AIG1: variants seen among roughly 807,000 people sequenced by gnomAD.
The protein encoded by AIG1 is androgen induced 1.
A neutral mutation model predicts 31.4 loss-of-function variants in AIG1; 23 were observed. That is an observed-to-expected ratio of 0.73 (90% CI 0.53 to 1.04). The LOEUF (loss-of-function observed/expected upper bound fraction) is 1.04, where lower values mean the gene tolerates loss of function less well. AIG1 is among the 50% of genes least tolerant of loss of function. The pLI, the probability that AIG1 is intolerant of heterozygous loss-of-function variation, is 0.00. For synonymous variants in AIG1, 100 were observed against 110.5 expected (o/e 0.90, Z 0.60); for missense variants, 274 against 295.0 (o/e 0.93, Z 0.52).
At chr6:143,260,910 C>G (rs1276161337) in intron 3 of AIG1, among the ~76,000 whole-genome samples, 1 of 152,132 alleles carries the variant, frequency 6.6e-6, no homozygotes, top group East Asian at 1.9e-4. Flanking sequence ...CCCCTTCACC[C>G]CCCCGCCATC....
At chr6:143,141,466 C>G (rs1784240472) in intron 2 of AIG1, among the ~76,000 whole-genome samples, 1 of 152,312 alleles carries the variant, frequency 6.6e-6, no homozygotes, top group South Asian at 2.1e-4. Context: ...ATGAAACATT[C>G]CAATCAAAGA....
At chr6:143,323,555 T>C (rs1455498772) in intron 4 of AIG1, among the ~76,000 whole-genome samples, 1 of 152,238 alleles carries the variant, frequency 6.6e-6, no homozygotes, top group Non-Finnish European at 1.5e-5. Flanking sequence ...TTATTTCAGA[T>C]TGGCTCCTTC....
intron 3 of AIG1, among the ~76,000 whole-genome samples, chr6:143,264,184 T>C (rs1381898497): frequency 6.6e-6 from 1 of 152,230 alleles, no homozygotes; most frequent in Non-Finnish European, 1.5e-5. Flanking sequence ...TGGGTATTTA[T>C]TAGCCTTTAT....
chr6:143,339,817 A>C lies in AIG1; in HGVS notation c.*141A>C. ...CTCCCCCAATGAGGACACCTTTTATATATAAATATGTATAAACATAGAATA... is the reference window on the plus strand; with the variant it reads ...CTCCCCCAATGAGGACACCTTTTATCTATAAATATGTATAAACATAGAATA... On this transcript the variant is annotated 3_prime_UTR_variant, in exon 6 of 6. Coordinates refer to ENST00000357847, the MANE Select transcript of AIG1 (RefSeq NM_016108.4). 1.5e-6 allele frequency: 1 copy of C among 675,658 alleles called. No individual in the cohort carries two copies. The highest frequency in any genetic ancestry group is 2.0e-5 in the South Asian group (1 of 48,986). The allele number at this position is 675,658 out of a possible 1,614,324, so 41.9% of individuals were successfully genotyped here. A position where few individuals can be genotyped will look rare whatever the true frequency, so the allele number is the denominator to read the frequency against.
At chr6:143,335,188 T>C (rs1777380570) in intron 5 of AIG1, 1 of 1,268,276 alleles carries the variant, frequency 7.9e-7, no homozygotes, top group Non-Finnish European at 1.0e-6. Context: ...ACCTATCAAG[T>C]TCTGTTAGGC....
chr6:143,340,248 CAT>C lies in AIG1; in HGVS notation c.*573_*574del, dbSNP rs1777801056. On this transcript the variant is annotated 3_prime_UTR_variant, in exon 6 of 6. Coordinates refer to ENST00000357847, the MANE Select transcript of AIG1 (RefSeq NM_016108.4). ...AGTGTATTGCATCTCTTGATTTAAT[CAT>C]GTGAAACTTTTCCTAGATGCAAATG... is the stretch of plus-strand genomic sequence containing the variant. 1 of 152,142 alleles carries C rather than the reference CAT, an allele frequency of 6.6e-6. No homozygotes were observed. Among genetic ancestry groups the C allele is most frequent in the Admixed American group, 6.5e-5 (1 of 15,276 alleles). 9.4% of individuals were successfully genotyped at this position (152,142 alleles called of 1,614,324 possible).
rs552205060 is a variant in AIG1 at position 143,256,786 on chromosome 6, A to T, written c.400-27324A>T. ...AGATTTTGACACATTAGAAGAAAAA[A>T]TAAAGTTATATTATTTTAAAAACAG... is the stretch of plus-strand genomic sequence containing the variant. On this transcript the variant is annotated intron_variant, in intron 3 of 5. Coordinates refer to ENST00000357847, the MANE Select transcript of AIG1 (RefSeq NM_016108.4). This position sits in a 1 kb window ranked among gnomAD's most constrained non-coding sequence, Gnocchi z 4.6. Among the ~76,000 whole-genome samples the T allele has an allele frequency of 1.0e-3, 153 of 152,366 alleles. 1 individual carries two copies. The highest frequency in any genetic ancestry group is 6.4e-3 in the South Asian group (31 of 4,830).
At chr6:143,228,698 A>G (rs1183717449) in intron 3 of AIG1, among the ~76,000 whole-genome samples, 1 of 152,214 alleles carries the variant, frequency 6.6e-6, no homozygotes, top group African/African-American at 2.4e-5. Flanking sequence ...AAACCAAATG[A>G]AGAAAAGATT....
chr6:143,295,251 A>G (rs935731749), intron 4 of AIG1, among the ~76,000 whole-genome samples: 7 of 152,120 alleles, frequency 4.6e-5, no homozygotes, highest in African/African-American at 9.7e-5. Flanking sequence ...CACTGCCAAC[A>G]CTATGGTCCA....
At chr6:143,241,732 C>T (rs913726554) in intron 3 of AIG1, among the ~76,000 whole-genome samples, 1 of 152,050 alleles carries the variant, frequency 6.6e-6, no homozygotes, top group African/African-American at 2.4e-5. Context: ...GTCGAGCATC[C>T]CTAATCTGAA....
At position 143,066,371 on chromosome 6, in the gene AIG1, C is replaced by G. The variant is rs146305763; in HGVS notation, c.141+5305C>G. 5.3e-3 allele frequency among the ~76,000 whole-genome samples: 812 copies of G among 152,038 alleles called. 3 individuals are homozygous for G. The highest frequency in any genetic ancestry group is 9.4e-3 in the Non-Finnish European group (641 of 67,996). On this transcript the variant is annotated intron_variant, in intron 1 of 5. Transcript: ENST00000357847. ...CACTTCAACCTCCGCCTCCCAGGTT[C>G]AAGAAATTCTCCTGTCTCAGCCTCC...
chr6:143,202,613 A>G (rs1790788705), intron 3 of AIG1, among the ~76,000 whole-genome samples: 1 of 152,216 alleles, frequency 6.6e-6, no homozygotes. Flanking sequence ...AAAAGAGATT[A>G]TGTTTTAGCT....
At chr6:143,156,301 C>T (rs374031399) in intron 2 of AIG1, among the ~76,000 whole-genome samples, 3 of 150,496 alleles carry the variant, frequency 2.0e-5, no homozygotes, top group African/African-American at 7.3e-5. Flanking sequence ...CATAATCCTA[C>T]AATGGGGTTC....
intron 4 of AIG1, among the ~76,000 whole-genome samples, chr6:143,315,396 G>A (rs915356581): frequency 2.6e-5 from 4 of 152,070 alleles, no homozygotes; most frequent in African/African-American, 9.7e-5. Context: ...AAAGTAGGAG[G>A]ACCGGCACTA....
Position 143,329,289 on chromosome 6 carries a change from C to A in AIG1, c.516-3993C>A, listed in dbSNP as rs1244029274. ...GATGTGCACTTCTTTCCCAGCTTTG[C>A]CAGTTTTATGATAAGTTCTTTAGTC... On this transcript the variant is annotated intron_variant, in intron 4 of 5. Coordinates refer to ENST00000357847, the MANE Select transcript of AIG1 (RefSeq NM_016108.4). The surrounding 1 kb of genome is among the most constrained non-coding windows in gnomAD (Gnocchi z 4.9). 6.6e-6 allele frequency among the ~76,000 whole-genome samples: 1 copy of A among 152,142 alleles called. No homozygotes were observed. The highest frequency in any genetic ancestry group is 1.5e-5 in the Non-Finnish European group (1 of 68,010).
chr6:143,289,554 A>G (rs1272592022), intron 4 of AIG1, among the ~76,000 whole-genome samples: 1 of 152,132 alleles, frequency 6.6e-6, no homozygotes, highest in African/African-American at 2.4e-5. Flanking sequence ...TGGTTTACAG[A>G]ATGAAGTATG....
chr6:143,181,600 T>C (rs1788724512), intron 3 of AIG1, among the ~76,000 whole-genome samples: 1 of 152,272 alleles, frequency 6.6e-6, no homozygotes, highest in Non-Finnish European at 1.5e-5. Flanking sequence ...TACTTTTGGC[T>C]ATTGCCAATG....
At chr6:143,154,777 A>C (rs1379766667) in intron 2 of AIG1, among the ~76,000 whole-genome samples, 3 of 152,154 alleles carry the variant, frequency 2.0e-5, no homozygotes, top group African/African-American at 4.8e-5. Context: ...ACACAGGAAC[A>C]CTGTGTTATC....
intron 3 of AIG1, among the ~76,000 whole-genome samples, chr6:143,271,774 C>A (rs1796543665): frequency 6.6e-6 from 1 of 152,138 alleles, no homozygotes; most frequent in Admixed American, 6.5e-5. Flanking sequence ...TGATTTGGGG[C>A]AAAATAGCTC....
Sources: gnomAD v4.1 joint callset for allele counts (sites outside exome capture counted in the v4.1 genomes callset) on GRCh38, gnomAD v4.1.1 for gene constraint, Gnocchi (gnomAD v3.1) non-coding constraint, MANE v1.5 for transcripts, NCBI Gene and HGNC (gene_info 2026-07-23, HGNC 2026-07-21) for gene names.